TUT4: variants seen among roughly 807,000 people sequenced by gnomAD.
The protein encoded by TUT4 is terminal uridylyl transferase 4, also known as terminal uridylyltransferase 4.
A neutral mutation model predicts 192.2 loss-of-function variants in TUT4; 36 were observed. That is an observed-to-expected ratio of 0.19 (90% CI 0.14 to 0.25). The LOEUF (loss-of-function observed/expected upper bound fraction) is 0.25. Ranked by LOEUF, TUT4 falls within the 10% of genes least tolerant of loss-of-function variation. TUT4 has a pLI of 1.00. For missense variants in TUT4, 1,493 were observed against 1,957.2 expected (o/e 0.76, Z 4.47); for synonymous variants, 618 against 666.0 (o/e 0.93, Z 1.11).
chr1:52,544,595 A>G (rs759245597), intron 1 of TUT4, among the ~76,000 whole-genome samples: 1 of 152,202 alleles, frequency 6.6e-6, no homozygotes, highest in Non-Finnish European at 1.5e-5. Context: ...ACATAAAACT[A>G]TAAGGCTCTT....
intron 20 of TUT4, among the ~76,000 whole-genome samples, chr1:52,453,965 A>T (rs970159157): frequency 3.3e-5 from 5 of 152,248 alleles, no homozygotes; most frequent in African/African-American, 1.2e-4. Flanking sequence ...AATTAGAAAT[A>T]CAATACCATT....
intron 28 of TUT4, among the ~76,000 whole-genome samples, chr1:52,426,424 A>C (rs1649957671): frequency 6.6e-6 from 1 of 152,178 alleles, no homozygotes; most frequent in Non-Finnish European, 1.5e-5. Context: ...TACCCAGTTT[A>C]TATTCTGGAT....
chr1:52,458,290 T>C, intron 20 of TUT4, 46 bp downstream of exon 20: 1 of 1,433,040 alleles, frequency 7.0e-7, no homozygotes, highest in Non-Finnish European at 9.7e-7. Context: ...TGTTTAGATC[T>C]ATTGTTTTCA....
chr1:52,514,268 C>T lies in TUT4; in HGVS notation c.882+1623G>A, dbSNP rs184348805. ...CCAAACTGGCCAATATAGTGAAACCCCGTCTCTACTAAAAATACAAGAATT... is the reference window on the plus strand; with the variant it reads ...CCAAACTGGCCAATATAGTGAAACCTCGTCTCTACTAAAAATACAAGAATT... On this transcript the variant is annotated intron_variant, in intron 3 of 29. Transcript: ENST00000257177. 7.2e-4 allele frequency among the ~76,000 whole-genome samples: 110 copies of T among 152,202 alleles called. No homozygotes were observed. In the Middle Eastern group the frequency reaches 0.014, roughly 19 times the overall value.
In TUT4 at chr1:52,523,078, C is replaced by T. The variant is rs138432826; in HGVS notation, c.718+2485G>A. ...CGCGATCCTGGCTCACTGCAACCTC[C>T]ATCTCCTTGGTTCAGGCAATTCTCC... On this transcript the variant is annotated intron_variant, in intron 2 of 29. Transcript: ENST00000257177. Among the ~76,000 whole-genome samples, 478 of 148,412 alleles carry T rather than the reference C, an allele frequency of 3.2e-3. 2 individuals are homozygous for T. The highest frequency in any genetic ancestry group is 0.011 in the African/African-American group (457 of 40,464).
chr1:52,516,651 C>G (rs1226394864), intron 2 of TUT4, among the ~76,000 whole-genome samples: 1 of 152,138 alleles, frequency 6.6e-6, no homozygotes. Flanking sequence ...TGTATCTAAC[C>G]TACAGTAGGT....
Position 52,461,706 on chromosome 1 carries a change from T to C in TUT4, c.3127+6A>G, listed in dbSNP as rs370815066. On this transcript the variant is annotated splice_donor_region_variant and intron_variant, in intron 17 of 29. Transcript: ENST00000257177. The stretch of plus-strand genomic sequence containing the variant: ...TTGTTTTACAGATAAGATTCAAAAT[T>C]CATACCTGGATGTCTCTTAAGAATT... The C allele has an allele frequency of 2.6e-6, 4 of 1,524,170 alleles. No homozygotes were observed. The African/African-American group carries it at 5.6e-5, about 21-fold the overall frequency. 94.4% of individuals were successfully genotyped at this position (1,524,170 alleles called of 1,614,324 possible). A position where few individuals can be genotyped will look rare whatever the true frequency, so the allele number is the denominator to read the frequency against.
chr1:52,495,509 G>A lies in TUT4; in HGVS notation c.1184C>T (p.Ser395Leu), dbSNP rs747892065. 4.4e-6 allele frequency: 7 copies of A among 1,606,026 alleles called. No individual in the cohort carries two copies. Among genetic ancestry groups the A allele is most frequent in the Non-Finnish European group, 5.1e-6 (6 of 1,175,406 alleles). ...KVITTFLPEC[S>L]LRLYGSSLTR... ...CAGAGATGAGCCATACAACCTAAGT[G>A]AACATTCTGGAATAAAGGAAAAACA... Residue 395 changes from serine (S) to leucine (L), a missense_variant, in exon 6 of 30, where the codon TCA becomes TTA. Transcript: ENST00000257177.
intron 19 of TUT4, among the ~76,000 whole-genome samples, chr1:52,460,286 A>G (rs952453810): frequency 6.6e-6 from 1 of 152,168 alleles, no homozygotes; most frequent in Non-Finnish European, 1.5e-5. Context: ...GTTTGAGGCC[A>G]GCCTGGCCAA....
rs1272560995 is a variant in TUT4, at chr1:52,475,119, T to C, written c.2440A>G (p.Lys814Glu). The C allele has an allele frequency of 3.1e-6, 5 of 1,614,070 alleles. No individual in the cohort carries two copies. In the African/African-American group the frequency reaches 5.3e-5, roughly 17 times the overall value. The part of the protein sequence containing the change: ...KSSEIEPKLD[K>E]KQDDLAPSET... Reference sequence around the variant, plus strand: ...GAAGGCGCTAAATCATCTTGTTTCTTATCTAATTTTGGCTCTATTTCACTG... The same window carrying C: ...GAAGGCGCTAAATCATCTTGTTTCTCATCTAATTTTGGCTCTATTTCACTG... Residue 814 changes from lysine to glutamate, a missense_variant, in exon 13 of 30, where the codon AAG becomes GAG. Lys to Glu is a moderately conservative substitution (Grantham distance 56, BLOSUM62 1). This residue lies in a region of TUT4 where 245 missense variants were observed against 218.4 expected (regional missense o/e 1.12). Transcript: ENST00000257177.
chr1:52,504,357 T>G (rs1424740096), intron 4 of TUT4, among the ~76,000 whole-genome samples: 12 of 152,092 alleles, frequency 7.9e-5, no homozygotes, highest in Admixed American at 7.9e-4. Context: ...TATGGCCAGG[T>G]GCACTGTTTC....
chr1:52,508,113 T>C (rs1676118010), intron 4 of TUT4, among the ~76,000 whole-genome samples: 1 of 152,070 alleles, frequency 6.6e-6, no homozygotes, highest in Middle Eastern at 3.2e-3. Flanking sequence ...GCACCCAGCC[T>C]AGGTATGATT....
chr1:52,497,678 A>T (rs908704920), intron 4 of TUT4, among the ~76,000 whole-genome samples: 2 of 152,254 alleles, frequency 1.3e-5, no homozygotes, highest in Non-Finnish European at 2.9e-5. Context: ...CTATTCTGCT[A>T]AAAGTTTTAA....
chr1:52,480,086 A>G (rs1668128368), intron 11 of TUT4, among the ~76,000 whole-genome samples: 2 of 151,942 alleles, frequency 1.3e-5, no homozygotes, highest in South Asian at 4.1e-4. Flanking sequence ...TGGTCAGGAG[A>G]GAGGTCTGGC....
chr1:52,498,902 T>TTTTATA (rs1673233360), intron 4 of TUT4, among the ~76,000 whole-genome samples: 2 of 23,312 alleles, frequency 8.6e-5, no homozygotes, highest in African/African-American at 3.2e-4. Context: ...AAAAAAAAAA[T>TTTTATA]TATATATATA....
At chr1:52,491,246 T>C (rs1388690760) in intron 7 of TUT4, among the ~76,000 whole-genome samples, 1 of 152,170 alleles carries the variant, frequency 6.6e-6, no homozygotes, top group Non-Finnish European at 1.5e-5. Context: ...ACCTAACTCT[T>C]CAGGCCACAT....
intron 1 of TUT4, among the ~76,000 whole-genome samples, chr1:52,527,407 G>A (rs1204370319): frequency 6.6e-6 from 1 of 152,018 alleles, no homozygotes; most frequent in Non-Finnish European, 1.5e-5. Flanking sequence ...TCAGCTGGGC[G>A]TGGTGGCACA....
chr1:52,486,666 A>G (rs1174176495), intron 9 of TUT4, among the ~76,000 whole-genome samples: 1 of 152,196 alleles, frequency 6.6e-6, no homozygotes, highest in Non-Finnish European at 1.5e-5. Context: ...AACTAACACA[A>G]ATGACAAAAA....
At chr1:52,486,338 T>G (rs1475319919) in intron 9 of TUT4, among the ~76,000 whole-genome samples, 3 of 152,160 alleles carry the variant, frequency 2.0e-5, no homozygotes, top group Non-Finnish European at 4.4e-5. Flanking sequence ...GCTAAAGAGT[T>G]CTGCCACCTA....
Sources: allele counts gnomAD v4.1 joint callset (sites outside exome capture counted in the v4.1 genomes callset), GRCh38; gene constraint gnomAD v4.1.1; regional missense constraint gnomAD v4.1.1; transcripts MANE v1.5; gene names NCBI Gene and HGNC (gene_info 2026-07-23, HGNC 2026-07-21).